PSMD14: variants seen among roughly 807,000 people sequenced by gnomAD.
PSMD14 encodes the protein ubiquitin C-terminal hydrolase PSMD14.
A neutral mutation model predicts 41.2 loss-of-function variants in PSMD14; 7 were observed. The observed-to-expected ratio is 0.17, with a 90% confidence interval of 0.10 to 0.32. The LOEUF (loss-of-function observed/expected upper bound fraction) is 0.32, where lower values mean the gene tolerates loss of function less well. Among genes scored for constraint, PSMD14 ranks in the 10% least tolerant of loss-of-function variants. PSMD14 has a pLI of 1.00. For synonymous variants in PSMD14, 114 were observed against 122.3 expected (o/e 0.93, Z 0.45); for missense variants, 139 against 375.6 (o/e 0.37, Z 5.21).
chr2:161,310,711 C>T (rs1689078046), intron 1 of PSMD14, among the ~76,000 whole-genome samples: 1 of 152,108 alleles, frequency 6.6e-6, no homozygotes, highest in Non-Finnish European at 1.5e-5. Flanking sequence ...GATGTTATCC[C>T]CACTTTATAA....
chr2:161,323,264 C>T (rs1269864928), intron 3 of PSMD14, among the ~76,000 whole-genome samples: 1 of 152,122 alleles, frequency 6.6e-6, no homozygotes, highest in Non-Finnish European at 1.5e-5. Flanking sequence ...TATCTTAAAC[C>T]TTTCTTTTCC....
intron 11 of PSMD14, among the ~76,000 whole-genome samples, chr2:161,410,648 C>G (rs1172684951): frequency 6.6e-6 from 1 of 151,922 alleles, no homozygotes; most frequent in East Asian, 1.9e-4. Context: ...AGGATTGCAC[C>G]TGTATAATTT....
chr2:161,400,542 C>T (rs1410162624), intron 10 of PSMD14, among the ~76,000 whole-genome samples: 1 of 151,910 alleles, frequency 6.6e-6, no homozygotes. Context: ...ACTGCATAGC[C>T]CAGAATTATT....
chr2:161,340,823 A>C, intron 3 of PSMD14: 1 of 1,613,974 alleles, frequency 6.2e-7, no homozygotes, highest in Non-Finnish European at 8.5e-7. Context: ...GTTATTCTTC[A>C]GTTCTCTGCT....
In PSMD14 at chr2:161,391,249, G is replaced by T. The variant is rs901634460; in HGVS notation, c.645+71G>T. 8.6e-6 allele frequency: 12 copies of T among 1,397,562 alleles called. No homozygotes were observed. In the African/African-American group the frequency reaches 1.6e-4, roughly 19 times the overall value. The allele number at this position is 1,397,562 out of a possible 1,614,324, so 86.6% of individuals were successfully genotyped here. A position where few individuals can be genotyped will look rare whatever the true frequency, so the allele number is the denominator to read the frequency against. On this transcript the variant is annotated intron_variant, in intron 9 of 11. Coordinates refer to ENST00000409682, the MANE Select transcript of PSMD14 (RefSeq NM_005805.6). ...AACCATTTAAACTATTACCTGGTAT[G>T]TGATTTAAATTCGAATTTTTGACCT...
At chr2:161,393,345 A>ATT (rs1683741022) in intron 9 of PSMD14, among the ~76,000 whole-genome samples, 3 of 152,198 alleles carry the variant, frequency 2.0e-5, no homozygotes, top group African/African-American at 7.2e-5. Context: ...CTAGGAAGGA[A>ATT]TCAGAGAAAC....
At chr2:161,389,889 G>GTTGGTTTTTTTTTTTTTTTTTTTT in intron 8 of PSMD14, among the ~76,000 whole-genome samples, 1 of 20,042 alleles carries the variant, frequency 5.0e-5, no homozygotes, top group South Asian at 2.6e-3. Context: ...CTTTTTTGTT[G>GTTGGTTTTTTTTTTTTTTTTTTTT]TTTTTTTTTT....
chr2:161,409,167 T>G (rs1574145794), intron 11 of PSMD14, among the ~76,000 whole-genome samples: 1 of 152,210 alleles, frequency 6.6e-6, no homozygotes, highest in East Asian at 1.9e-4. Flanking sequence ...TGAATTAATT[T>G]TTTAAGTATT....
chr2:161,351,831 A>G (rs1465812485), intron 3 of PSMD14, among the ~76,000 whole-genome samples: 1 of 152,168 alleles, frequency 6.6e-6, no homozygotes, highest in African/African-American at 2.4e-5. Context: ...TGAAAGTGAC[A>G]TGGCCACTCT....
At position 161,354,238 on chromosome 2, in the gene PSMD14, A is replaced by G. The variant is rs1463381747; in HGVS notation, c.49-13240A>G. ...GATCTCCGTGAATGATGCTGTGTGT[A>G]TGTGTGTCAGATGGTGGGGGGTTGG... is the stretch of plus-strand genomic sequence containing the variant. On this transcript the variant is annotated intron_variant, in intron 3 of 11. Coordinates refer to ENST00000409682, the MANE Select transcript of PSMD14 (RefSeq NM_005805.6). 3.9e-5 allele frequency among the ~76,000 whole-genome samples: 6 copies of G among 152,088 alleles called. No individual in the cohort carries two copies. In the East Asian group the frequency reaches 1.2e-3, roughly 29 times the overall value.
intron 1 of PSMD14, among the ~76,000 whole-genome samples, chr2:161,315,050 AT>A (rs1245701955): frequency 8.5e-5 from 13 of 152,216 alleles, no homozygotes; most frequent in African/African-American, 2.9e-4. Flanking sequence ...TCATCTCAAG[AT>A]ACATAGTCTG....
chr2:161,348,560 C>T lies in PSMD14; in HGVS notation c.49-18918C>T, dbSNP rs116653935. Among the ~76,000 whole-genome samples the T allele has an allele frequency of 5.0e-3, 765 of 152,230 alleles. 9 individuals are homozygous for T. The highest frequency in any genetic ancestry group is 0.017 in the African/African-American group (697 of 41,528). On this transcript the variant is annotated intron_variant, in intron 3 of 11. Transcript: ENST00000409682. ...TGTAAAGTATTGAAAAATGAATAATCCTCACATAGTTCATACTAATGAAAA... is the reference window on the plus strand; with the variant it reads ...TGTAAAGTATTGAAAAATGAATAATTCTCACATAGTTCATACTAATGAAAA...
chr2:161,385,450 C>G lies in PSMD14; in HGVS notation c.463-14C>G. The G allele has an allele frequency of 6.5e-7, 1 of 1,547,304 alleles. No individual in the cohort carries two copies. The highest frequency in any genetic ancestry group is 8.8e-7 in the Non-Finnish European group (1 of 1,130,986). Reference sequence around the variant, plus strand: ...TTTTTAAAAAAAAATTGACTTGACACCTTGTTTTTACAGGTTGTTATTGAT... The same window carrying G: ...TTTTTAAAAAAAAATTGACTTGACAGCTTGTTTTTACAGGTTGTTATTGAT... On this transcript the variant is annotated splice_polypyrimidine_tract_variant and intron_variant, in intron 7 of 11. Transcript: ENST00000409682.
intron 7 of PSMD14, among the ~76,000 whole-genome samples, chr2:161,377,064 G>A (rs1260609453): frequency 6.9e-6 from 1 of 145,960 alleles, no homozygotes; most frequent in Non-Finnish European, 1.5e-5. Flanking sequence ...TGATCAATTT[G>A]AACCCTGTAA....
chr2:161,363,977 CT>C (rs1479467136), intron 3 of PSMD14, among the ~76,000 whole-genome samples: 1 of 152,208 alleles, frequency 6.6e-6, no homozygotes, highest in African/African-American at 2.4e-5. Context: ...AGAGGCCTTT[CT>C]GTATCTGGGG....
intron 3 of PSMD14, among the ~76,000 whole-genome samples, chr2:161,349,783 TG>T (rs1442161222): frequency 5.3e-5 from 8 of 151,984 alleles, no homozygotes; most frequent in Non-Finnish European, 1.0e-4. Context: ...ACGAGCAGGG[TG>T]GGGTTGGAGA....
intron 3 of PSMD14, among the ~76,000 whole-genome samples, chr2:161,321,707 A>G (rs1682610991): frequency 6.6e-6 from 1 of 152,208 alleles, no homozygotes; most frequent in Non-Finnish European, 1.5e-5. Context: ...GACAAAACTC[A>G]AGAAAGTGCT....
chr2:161,324,626 T>C (rs1682666577), intron 3 of PSMD14, among the ~76,000 whole-genome samples: 1 of 151,706 alleles, frequency 6.6e-6, no homozygotes, highest in Non-Finnish European at 1.5e-5. Flanking sequence ...GAAGATTTTC[T>C]TTCTTTCTTT....
chr2:161,358,507 C>T (rs541240183), intron 3 of PSMD14, among the ~76,000 whole-genome samples: 1 of 152,146 alleles, frequency 6.6e-6, no homozygotes, highest in Non-Finnish European at 1.5e-5. Flanking sequence ...CTCCTTTCCG[C>T]TAGGTAGCTC....
Sources: allele counts gnomAD v4.1 joint callset (sites outside exome capture counted in the v4.1 genomes callset), GRCh38; gene constraint gnomAD v4.1.1; transcripts MANE v1.5; gene names NCBI Gene and HGNC (gene_info 2026-07-23, HGNC 2026-07-21).